PLEKHH2: variants seen among roughly 807,000 people sequenced by gnomAD.
The protein encoded by PLEKHH2 is pleckstrin homology domain-containing family H member 2.
A neutral mutation model predicts 187.9 loss-of-function variants in PLEKHH2; 129 were observed. The ratio of observed to expected loss-of-function variants is 0.69; its 90% CI spans 0.59 to 0.79. The LOEUF (loss-of-function observed/expected upper bound fraction) is 0.79. Ranked by LOEUF, PLEKHH2 falls within the 30% of genes least tolerant of loss-of-function variation. The probability of loss-of-function intolerance (pLI) is 0.00; values close to 1 mark genes in which losing one functional copy is unlikely to be tolerated. For synonymous variants in PLEKHH2, 686 were observed against 605.6 expected (o/e 1.13, Z -1.95); for missense variants, 2,076 against 1,751.2 (o/e 1.19, Z -3.31).
At chr2:43,753,448 C>A (rs754067962) in intron 24 of PLEKHH2, among the ~76,000 whole-genome samples, 171 bp from the exon 25 acceptor site, 1 of 152,012 alleles carries the variant, frequency 6.6e-6, no homozygotes. Context: ...TCTTATTTTG[C>A]GGAAAGTACT....
intron 2 of PLEKHH2, among the ~76,000 whole-genome samples, chr2:43,668,643 C>T (rs1426708179): frequency 6.6e-6 from 1 of 152,064 alleles, no homozygotes; most frequent in Admixed American, 6.6e-5. Context: ...CTCTAAAGTA[C>T]AATGAATGGG....
Position 43,726,264 on chromosome 2 carries a change from T to C in PLEKHH2, c.2542-8T>C. The C allele has an allele frequency of 6.3e-7, 1 of 1,579,606 alleles. No individual in the cohort carries two copies. Among genetic ancestry groups the C allele is most frequent in the Non-Finnish European group, 8.7e-7 (1 of 1,152,774 alleles). The stretch of plus-strand genomic sequence containing the variant: ...TGCCTTCCTCACAATTACTAATATT[T>C]ACTTTAGTTTCCTTTAGGTCAGATC... On this transcript the variant is annotated splice_region_variant and splice_polypyrimidine_tract_variant and intron_variant, in intron 16 of 29. Coordinates refer to ENST00000282406, the MANE Select transcript of PLEKHH2 (RefSeq NM_172069.4).
chr2:43,732,404 C>A (rs1671086702), intron 19 of PLEKHH2, among the ~76,000 whole-genome samples: 3 of 152,014 alleles, frequency 2.0e-5, no homozygotes. Context: ...TCCCAACTCA[C>A]ATTCTCTACC....
chr2:43,644,916 A>G (rs1266530493), intron 2 of PLEKHH2, 120 bp downstream of exon 2: 3 of 1,113,494 alleles, frequency 2.7e-6, no homozygotes, highest in African/African-American at 3.2e-5. Flanking sequence ...ATTTGAAGCT[A>G]TATTTGGCAT....
At chr2:43,756,330 C>G (rs1043287381) in intron 25 of PLEKHH2, among the ~76,000 whole-genome samples, 2 of 151,998 alleles carry the variant, frequency 1.3e-5, no homozygotes, top group South Asian at 2.1e-4. Flanking sequence ...GAGTCTTGCT[C>G]TGTCACCCAG....
At chr2:43,638,436 AAGAGAAACAGGAAGTC>A (rs1703220377) in intron 1 of PLEKHH2, among the ~76,000 whole-genome samples, 1 of 152,168 alleles carries the variant, frequency 6.6e-6, no homozygotes, top group African/African-American at 2.4e-5. Flanking sequence ...TGGGATTTGG[AAGAGAAACAGGAAGTC>A]AGAGATTCAG....
intron 2 of PLEKHH2, among the ~76,000 whole-genome samples, chr2:43,669,136 C>G (rs181221811): frequency 2.1e-3 from 318 of 152,272 alleles, no homozygotes; most frequent in Non-Finnish European, 3.2e-3. Context: ...TCATGGAGTT[C>G]CAGCAATCTG....
At chr2:43,744,106 A>T in intron 23 of PLEKHH2, 117 bp downstream of exon 23, 7 of 1,454,536 alleles carry the variant, frequency 4.8e-6, no homozygotes, top group Non-Finnish European at 6.3e-6. Context: ...ACTTTAACCA[A>T]TCTAATCTCC....
chr2:43,738,339 A>T lies in PLEKHH2; in HGVS notation c.2944-2A>T, dbSNP rs1165389284. 1.2e-6 allele frequency: 2 copies of T among 1,603,810 alleles called. No homozygotes were observed. The highest frequency in any genetic ancestry group is 3.4e-5 in the Admixed American group (2 of 59,188). On this transcript the variant is annotated splice_acceptor_variant, in intron 19 of 29. Coordinates refer to ENST00000282406, the MANE Select transcript of PLEKHH2 (RefSeq NM_172069.4). LOFTEE classifies it high-confidence loss of function. ...GAATATATCTTTTTTTGTTTAATTC[A>T]GACCTGCCAGCTTTTTATAAATGCT... is the stretch of plus-strand genomic sequence containing the variant.
At position 43,681,455 on chromosome 2, in the gene PLEKHH2, C is replaced by T. The variant is rs945964667; in HGVS notation, c.186+2530C>T. 1.3e-5 allele frequency: 20 copies of T among 1,545,528 alleles called. No homozygotes were observed. The South Asian group carries it at 2.1e-4, about 17-fold the overall frequency. ...GTTCCTTGTCAAAATAATCTTCTTC[C>T]TCTTCCTCTCCTTTTCCATCATCTT... On this transcript the variant is annotated intron_variant, in intron 3 of 29. Coordinates refer to ENST00000282406, the MANE Select transcript of PLEKHH2 (RefSeq NM_172069.4).
At chr2:43,709,710 C>G (rs751270876) in intron 11 of PLEKHH2, among the ~76,000 whole-genome samples, 5 of 152,202 alleles carry the variant, frequency 3.3e-5, no homozygotes, top group African/African-American at 4.8e-5. Context: ...GTGGCGCACA[C>G]CTGTAGCCCC....
At chr2:43,742,153 A>C (rs1194150457) in intron 21 of PLEKHH2, among the ~76,000 whole-genome samples, 3 of 151,694 alleles carry the variant, frequency 2.0e-5, no homozygotes, top group African/African-American at 7.3e-5. Flanking sequence ...AGCGTGCGCC[A>C]CCACCCCCGG....
chr2:43,726,758 T>G (rs999791276), intron 17 of PLEKHH2, among the ~76,000 whole-genome samples: 1 of 152,154 alleles, frequency 6.6e-6, no homozygotes, highest in Non-Finnish European at 1.5e-5. Flanking sequence ...AAGGACTCTG[T>G]TTTATATTTT....
intron 3 of PLEKHH2, among the ~76,000 whole-genome samples, chr2:43,683,781 T>G (rs1668360038): frequency 1.4e-5 from 2 of 147,012 alleles, no homozygotes; most frequent in Admixed American, 1.4e-4. Context: ...TCTCTCTCTC[T>G]CTCTTTTTTT....
rs1279084304 is a variant in PLEKHH2 at position 43,743,950 on chromosome 2, T to G, written c.3516T>G (p.Ser1172=). The G allele has an allele frequency of 6.2e-7, 1 of 1,614,152 alleles. No homozygotes were observed. Among genetic ancestry groups the G allele is most frequent in the Admixed American group, 1.7e-5 (1 of 60,030 alleles). The part of the protein sequence containing the change: ...SGFALFTDDP[S]GRDLEHCLQG... The stretch of plus-strand genomic sequence containing the variant: ...TTGCGTTGTTCACTGACGATCCTTC[T>G]GGCAGAGATTTAGAGCATTGTCTTC... The change falls in exon 23 of 30, where the codon TCT becomes TCG. Residue 1172 remains serine, a synonymous_variant. Coordinates refer to ENST00000282406, the MANE Select transcript of PLEKHH2 (RefSeq NM_172069.4).
chr2:43,765,572 C>G lies in PLEKHH2; in HGVS notation c.4456C>G (p.Pro1486Ala), dbSNP rs148665081. The part of the protein sequence containing the change: ...GSQPLLSSSR[P>A]TKGPTLL ...CCAGCCTCTTCTGTCAAGCAGCAGA[C>G]CGACCAAAGGCCCCACCTTACTCTG... The change falls in exon 30 of 30, where the codon CCG becomes GCG. Residue 1486 changes from proline to alanine, a missense_variant. Coordinates refer to ENST00000282406, the MANE Select transcript of PLEKHH2 (RefSeq NM_172069.4). The G allele has an allele frequency of 2.5e-5, 40 of 1,613,760 alleles. No homozygotes were observed. In the African/African-American group the frequency reaches 4.4e-4, roughly 18 times the overall value.
At chr2:43,681,371 G>A in intron 3 of PLEKHH2, 1 of 1,433,658 alleles carries the variant, frequency 7.0e-7, no homozygotes, top group South Asian at 1.3e-5. Flanking sequence ...TTACTTCTTG[G>A]CTGCTACTGG....
intron 27 of PLEKHH2, among the ~76,000 whole-genome samples, chr2:43,760,981 G>A (rs1369607697): frequency 6.6e-6 from 1 of 152,132 alleles, no homozygotes; most frequent in Non-Finnish European, 1.5e-5. Context: ...CTTCCCTTTT[G>A]AGGCAGAATA....
chr2:43,649,934 T>TA (rs1666381789), intron 2 of PLEKHH2, among the ~76,000 whole-genome samples: 1 of 152,164 alleles, frequency 6.6e-6, no homozygotes, highest in Admixed American at 6.5e-5. Context: ...TGAGAGGCTC[T>TA]GTAAGTATAC....
Sources: allele counts gnomAD v4.1 joint callset (sites outside exome capture counted in the v4.1 genomes callset), GRCh38; gene constraint gnomAD v4.1.1; transcripts MANE v1.5; gene names NCBI Gene and HGNC (gene_info 2026-07-23, HGNC 2026-07-21).